EPB41L4B: variants seen among roughly 807,000 people sequenced by gnomAD.
The protein encoded by EPB41L4B is erythrocyte membrane protein band 4.1 like 4B, also known as band 4.1-like protein 4B.
In EPB41L4B, 30 loss-of-function variants were observed where a neutral mutation model predicts 112.5. That is an observed-to-expected ratio of 0.27 (90% CI 0.20 to 0.36). EPB41L4B has a LOEUF of 0.36. EPB41L4B is among the 10% of genes least tolerant of loss of function. EPB41L4B has a pLI of 1.00. For missense variants in EPB41L4B, 1,024 were observed against 1,133.3 expected (o/e 0.90, Z 1.38); for synonymous variants, 408 against 439.7 (o/e 0.93, Z 0.90).
chr9:109,177,820 C>CA (rs1192617011), intron 24 of EPB41L4B, among the ~76,000 whole-genome samples: 3,684 of 129,154 alleles, frequency 0.029, 57 homozygotes, highest in African/African-American at 0.048. Context: ...GACTCTGTCT[C>CA]AAAAAAAAAA....
Position 109,174,467 on chromosome 9 carries a change from T to C in EPB41L4B, c.*87A>G. On this transcript the variant is annotated 3_prime_UTR_variant, in exon 26 of 26. Coordinates refer to ENST00000374566, the MANE Select transcript of EPB41L4B (RefSeq NM_019114.5). ...TGGGCGAACAGAGCACACACTTGTA[T>C]GCTGTGCTAGAGTGAGCACACAAAG... 3.2e-6 allele frequency: 4 copies of C among 1,264,154 alleles called. No homozygotes were observed. Among genetic ancestry groups the C allele is most frequent in the Non-Finnish European group, 4.6e-6 (4 of 862,484 alleles). The allele number at this position is 1,264,154 out of a possible 1,614,324, so 78.3% of individuals were successfully genotyped here.
chr9:109,320,538 C>G lies in EPB41L4B; in HGVS notation c.-92G>C. ...CGCCGCCCGGGAGCGTCCCGCGACGCCGTCAGTGCCCTCGGCCGCCCGCGC... is the reference window on the plus strand; with the variant it reads ...CGCCGCCCGGGAGCGTCCCGCGACGGCGTCAGTGCCCTCGGCCGCCCGCGC... On this transcript the variant is annotated 5_prime_UTR_variant, in exon 1 of 26. Transcript: ENST00000374566. The G allele has an allele frequency of 5.4e-6, 4 of 736,108 alleles. No homozygotes were observed. Among genetic ancestry groups the G allele is most frequent in the Non-Finnish European group, 6.6e-6 (4 of 605,544 alleles). The allele number at this position is 736,108 out of a possible 1,614,324, so 45.6% of individuals were successfully genotyped here.
intron 6 of EPB41L4B, among the ~76,000 whole-genome samples, chr9:109,261,567 A>T (rs542496792): frequency 6.6e-6 from 1 of 152,246 alleles, no homozygotes; most frequent in Non-Finnish European, 1.5e-5. Context: ...GTCATTAAAA[A>T]CCATCTCTAT....
intron 17 of EPB41L4B, among the ~76,000 whole-genome samples, chr9:109,209,116 T>A (rs1833075661): frequency 6.6e-6 from 1 of 152,132 alleles, no homozygotes; most frequent in African/African-American, 2.4e-5. Flanking sequence ...ATTAATCTTA[T>A]TCACTAATTA....
At chr9:109,240,591 T>C (rs1011415441) in intron 15 of EPB41L4B, 8 of 985,192 alleles carry the variant, frequency 8.1e-6, no homozygotes, top group African/African-American at 7.0e-5. Context: ...ATGGGGGAAA[T>C]AAATATTTTG....
chr9:109,279,770 C>T, intron 2 of EPB41L4B, 47 bp downstream of exon 2: 2 of 1,492,360 alleles, frequency 1.3e-6, no homozygotes, highest in Non-Finnish European at 1.9e-6. Flanking sequence ...GTGCAATTAG[C>T]AATGAAAAGC....
At chr9:109,195,474 T>C (rs968177417) in intron 20 of EPB41L4B, among the ~76,000 whole-genome samples, 2 of 152,084 alleles carry the variant, frequency 1.3e-5, no homozygotes, top group South Asian at 2.1e-4. Context: ...AAGGTGAGAA[T>C]TGAATAAGTA....
intron 17 of EPB41L4B, among the ~76,000 whole-genome samples, chr9:109,212,342 G>A (rs1013206391): frequency 2.0e-5 from 3 of 152,160 alleles, no homozygotes; most frequent in African/African-American, 4.8e-5. Context: ...GGGGGCACAC[G>A]GTGCATTGGG....
chr9:109,287,452 A>G (rs142754776), intron 1 of EPB41L4B, among the ~76,000 whole-genome samples: 1 of 152,336 alleles, frequency 6.6e-6, no homozygotes, highest in East Asian at 1.9e-4. Flanking sequence ...GATGCCAGCC[A>G]TCCCAGGCAG....
At chr9:109,219,581 C>G (rs531544180) in intron 15 of EPB41L4B, among the ~76,000 whole-genome samples, 1 of 151,838 alleles carries the variant, frequency 6.6e-6, no homozygotes, top group African/African-American at 2.4e-5. Context: ...AGGACGGTCT[C>G]GATCTCCTGA....
At chr9:109,288,474 A>C (rs1588212412) in intron 1 of EPB41L4B, among the ~76,000 whole-genome samples, 1 of 152,038 alleles carries the variant, frequency 6.6e-6, no homozygotes. Context: ...TAATCCCAGC[A>C]CTTTGGGAGG....
intron 1 of EPB41L4B, among the ~76,000 whole-genome samples, chr9:109,291,580 A>T (rs1836533559): frequency 6.6e-6 from 1 of 152,206 alleles, no homozygotes; most frequent in African/African-American, 2.4e-5. Context: ...AGCACATGTT[A>T]TTGATTTCCT....
At position 109,194,401 on chromosome 9, in the gene EPB41L4B, C is replaced by T. The variant is rs972113274; in HGVS notation, c.2046-4G>A. 15 of 1,613,148 alleles carry T rather than the reference C, an allele frequency of 9.3e-6. No homozygotes were observed. Among genetic ancestry groups the T allele is most frequent in the South Asian group, 2.2e-5 (2 of 90,988 alleles). On this transcript the variant is annotated splice_polypyrimidine_tract_variant and splice_region_variant and intron_variant, in intron 20 of 25. Transcript: ENST00000374566. Reference sequence around the variant, plus strand: ...TGGAGGGAGGTCGTCTTCATCACTGCGGTTACTAAAAGCACATGAAGCTCT... The same window carrying T: ...TGGAGGGAGGTCGTCTTCATCACTGTGGTTACTAAAAGCACATGAAGCTCT...
intron 1 of EPB41L4B, chr9:109,307,362 C>T (rs1344169028): frequency 5.3e-6 from 2 of 375,680 alleles, no homozygotes; most frequent in South Asian, 4.2e-5. Flanking sequence ...CAAATACCTC[C>T]GACCTTAAAT....
chr9:109,276,160 C>CATAATAT lies in EPB41L4B; in HGVS notation c.411+3656_411+3657insATATTAT, dbSNP rs1835814313. Among the ~76,000 whole-genome samples, 3 of 1,112 alleles carry CATAATAT rather than the reference C, an allele frequency of 2.7e-3. No homozygotes were observed. In the South Asian group the frequency reaches 0.19, roughly 70 times the overall value. 0.7% of individuals were successfully genotyped at this position (1,112 alleles called of 152,430 possible). ...TAATATATACGTGTGTGTATACACA[C>CATAATAT]ACACACACACACACACACACACACA... is the stretch of plus-strand genomic sequence containing the variant. On this transcript the variant is annotated intron_variant, in intron 2 of 25. Transcript: ENST00000374566.
At chr9:109,272,667 C>G (rs1835667610) in intron 2 of EPB41L4B, among the ~76,000 whole-genome samples, 1 of 152,000 alleles carries the variant, frequency 6.6e-6, no homozygotes, top group South Asian at 2.1e-4. Flanking sequence ...TCAGAAGAGT[C>G]CCTTGAACCA....
chr9:109,255,742 A>G, intron 10 of EPB41L4B, 32 bp downstream of exon 10: 3 of 1,612,416 alleles, frequency 1.9e-6, no homozygotes, highest in Non-Finnish European at 1.7e-6. Context: ...GGATTTTCAC[A>G]GCAAGGGGGA....
At chr9:109,240,456 A>T (rs1834315506) in intron 15 of EPB41L4B, 2 of 985,310 alleles carry the variant, frequency 2.0e-6, no homozygotes, top group Admixed American at 6.2e-5. Context: ...TAGAGGGCCT[A>T]ACATGGGCAA....
In EPB41L4B at chr9:109,240,131, T is replaced by A. The variant is rs967330599; in HGVS notation, c.1409+3487A>T. 14 of 984,744 alleles carry A rather than the reference T, an allele frequency of 1.4e-5. No homozygotes were observed. The East Asian group carries it at 3.4e-4, about 24-fold the overall frequency. The allele number at this position is 984,744 out of a possible 1,614,324, so 61.0% of individuals were successfully genotyped here. The stretch of plus-strand genomic sequence containing the variant: ...TTCTGCATAGCAACAAGAATCAATT[T>A]AAAAAAAATGAAGATGGAGTCAAAA... On this transcript the variant is annotated intron_variant, in intron 15 of 25. Coordinates refer to ENST00000374566, the MANE Select transcript of EPB41L4B (RefSeq NM_019114.5).
Sources: gnomAD v4.1 joint callset for allele counts (sites outside exome capture counted in the v4.1 genomes callset) on GRCh38, gnomAD v4.1.1 for gene constraint, MANE v1.5 for transcripts, NCBI Gene and HGNC (gene_info 2026-07-23, HGNC 2026-07-21) for gene names.